The following ZFHX3 variants were observed in gnomAD, a reference collection of about 807,000 sequenced individuals.
ZFHX3 encodes the protein zinc finger homeobox 3.
A neutral mutation model predicts 279.1 loss-of-function variants in ZFHX3; 42 were observed. That is an observed-to-expected ratio of 0.15 (90% CI 0.12 to 0.19). The LOEUF (loss-of-function observed/expected upper bound fraction) is 0.19. Among genes scored for constraint, ZFHX3 ranks in the 10% least tolerant of loss-of-function variants. The pLI is 1.00. For missense variants in ZFHX3, 4,981 were observed against 4,754.0 expected, an observed-to-expected ratio of 1.05 and a Z score of -1.40; for synonymous variants, 2,293 against 1,957.8, an observed-to-expected ratio of 1.17 and a Z score of -4.52.
rs80108969 is a variant in ZFHX3 at position 73,653,239 on chromosome 16, A to G, written c.-1547+26941T>C. Among the ~76,000 whole-genome samples, 19 of 152,322 alleles carry G rather than the reference A, an allele frequency of 1.2e-4. No individual in the cohort carries two copies. The East Asian group carries it at 3.7e-3, about 29-fold the overall frequency. On this transcript the variant is annotated intron_variant, in intron 2 of 17. Transcript: ENST00000641206. ...TTAAATAACATGATTAACAAACTTG[A>G]CCTAATAACCTGTGTGGAACATTAT... is the stretch of plus-strand genomic sequence containing the variant.
At chr16:73,669,216 G>A (rs540337830) in intron 2 of ZFHX3, among the ~76,000 whole-genome samples, 2 of 152,204 alleles carry the variant, frequency 1.3e-5, no homozygotes, top group Admixed American at 1.3e-4. Flanking sequence ...ACTACGCCCT[G>A]CTAATTTTTG....
At chr16:73,363,568 G>A (rs918133495) in intron 3 of ZFHX3, among the ~76,000 whole-genome samples, 2 of 151,642 alleles carry the variant, frequency 1.3e-5, no homozygotes, top group Non-Finnish European at 2.9e-5. Context: ...TTTCCCAAAT[G>A]AGGCAGGGAA....
At chr16:73,155,566 T>C (rs1455543771) in intron 5 of ZFHX3, among the ~76,000 whole-genome samples, 1 of 152,226 alleles carries the variant, frequency 6.6e-6, no homozygotes, top group Non-Finnish European at 1.5e-5. Flanking sequence ...CTCATGCCTA[T>C]AATCCCAGCA....
intron 1 of ZFHX3, among the ~76,000 whole-genome samples, chr16:72,988,992 A>G: frequency 6.6e-6 from 1 of 151,882 alleles, no homozygotes; most frequent in Non-Finnish European, 1.5e-5. Context: ...CCTGGACAAC[A>G]TAGGGAGACC....
intron 3 of ZFHX3, among the ~76,000 whole-genome samples, chr16:72,930,582 A>T (rs1329338808): frequency 6.6e-6 from 1 of 152,224 alleles, no homozygotes; most frequent in Admixed American, 6.5e-5. Context: ...CAGAAATTAA[A>T]GGGCTATGGA....
chr16:73,441,593 A>T (rs1423733), intron 3 of ZFHX3, among the ~76,000 whole-genome samples: 102,080 of 151,916 alleles, frequency 0.67, 37,118 homozygotes, highest in Non-Finnish European at 0.82. Context: ...AGCCAGGGGT[A>T]ACGACGCATA....
At chr16:72,803,241 A>G (rs1443151338) in intron 7 of ZFHX3, among the ~76,000 whole-genome samples, 1 of 152,126 alleles carries the variant, frequency 6.6e-6, no homozygotes, top group African/African-American at 2.4e-5. Flanking sequence ...CTGAGACAGG[A>G]GAATTGCTTG....
chr16:73,699,624 C>G (rs571848007), intron 1 of ZFHX3, among the ~76,000 whole-genome samples: 1 of 152,280 alleles, frequency 6.6e-6, no homozygotes, highest in South Asian at 2.1e-4. Context: ...CTCCCAAATG[C>G]CATTGTAAGT....
Position 73,091,406 on chromosome 16 carries a change from G to A in ZFHX3, c.-533+1829C>T, listed in dbSNP as rs556755172. 3.3e-5 allele frequency among the ~76,000 whole-genome samples: 5 copies of A among 152,214 alleles called. No individual in the cohort carries two copies. In the South Asian group the frequency reaches 8.3e-4, roughly 25 times the overall value. On this transcript the variant is annotated intron_variant, in intron 8 of 17. Transcript: ENST00000641206. ...TGTGATTCCCACTGTGCCTATTGGC[G>A]GAACCCCAGGGAATCCCTCTTTCTT...
At chr16:72,978,672 G>A (rs1272309955) in intron 1 of ZFHX3, among the ~76,000 whole-genome samples, 3 of 152,164 alleles carry the variant, frequency 2.0e-5, no homozygotes, top group Non-Finnish European at 1.5e-5. Flanking sequence ...AAGGCACCTC[G>A]GTGCTTCTCT....
At chr16:72,942,737 T>C (rs573106637) in intron 3 of ZFHX3, among the ~76,000 whole-genome samples, 41 of 152,208 alleles carry the variant, frequency 2.7e-4, no homozygotes, top group Admixed American at 4.6e-4. Flanking sequence ...AATTTGTTCC[T>C]GACCCCTTTT....
At chr16:73,751,858 C>T (rs1406725522) in intron 1 of ZFHX3, among the ~76,000 whole-genome samples, 1 of 152,156 alleles carries the variant, frequency 6.6e-6, no homozygotes, top group Non-Finnish European at 1.5e-5. Context: ...TAGTCACTAC[C>T]TGATAATTTA....
chr16:72,802,055 ATT>A (rs1308964761), intron 7 of ZFHX3, among the ~76,000 whole-genome samples: 14 of 152,094 alleles, frequency 9.2e-5, no homozygotes, highest in Non-Finnish European at 2.1e-4. Context: ...AAAGAATAAA[ATT>A]ATCTAACACC....
intron 1 of ZFHX3, among the ~76,000 whole-genome samples, chr16:73,003,656 A>T (rs1204084247): frequency 6.6e-6 from 1 of 152,116 alleles, no homozygotes; most frequent in African/African-American, 2.4e-5. Flanking sequence ...CAGTAAGCTG[A>T]GACTGCACTA....
chr16:73,128,031 A>G (rs1415641550), intron 7 of ZFHX3, among the ~76,000 whole-genome samples: 1 of 152,212 alleles, frequency 6.6e-6, no homozygotes, highest in Non-Finnish European at 1.5e-5. Flanking sequence ...GAGTGAAACT[A>G]TCTGGAATGT....
intron 5 of ZFHX3, among the ~76,000 whole-genome samples, chr16:73,236,373 G>A (rs2012949641): frequency 6.6e-6 from 1 of 152,192 alleles, no homozygotes; most frequent in Non-Finnish European, 1.5e-5. Context: ...CGAGGCAGGT[G>A]GATCGCTTGA....
At chr16:73,288,314 A>T (rs892223221) in intron 4 of ZFHX3, among the ~76,000 whole-genome samples, 11 of 152,286 alleles carry the variant, frequency 7.2e-5, no homozygotes, top group Admixed American at 3.9e-4. Flanking sequence ...AGTCCCAGAC[A>T]GAAGCTGGAC....
chr16:73,526,187 A>C (rs2143716965), intron 2 of ZFHX3, among the ~76,000 whole-genome samples: 1 of 152,358 alleles, frequency 6.6e-6, no homozygotes, highest in Non-Finnish European at 1.5e-5. Context: ...CAATGACCAT[A>C]AGCACTCAGA....
chr16:73,064,101 A>G (rs571615101), upstream of ZFHX3, among the ~76,000 whole-genome samples: 1 of 152,248 alleles, frequency 6.6e-6, no homozygotes, highest in South Asian at 2.1e-4. Context: ...AAGTTACTCC[A>G]AGAAAAAGGA....
Sources: allele counts gnomAD v4.1 joint callset (sites outside exome capture counted in the v4.1 genomes callset), GRCh38; gene constraint gnomAD v4.1.1; transcripts MANE v1.5; gene names NCBI Gene and HGNC (gene_info 2026-07-23, HGNC 2026-07-21).